Variants in VPS35L observed in about 807,000 individuals in gnomAD.
VPS35L encodes VPS35 endosomal protein sorting factor like.
Under a neutral mutation model 133.0 loss-of-function variants are expected in VPS35L, and 83 were observed. That is an observed-to-expected ratio of 0.62 (90% CI 0.52 to 0.75). VPS35L has a LOEUF of 0.75. Among genes scored for constraint, VPS35L ranks in the 30% least tolerant of loss-of-function variants. VPS35L has a pLI of 0.00. For missense variants in VPS35L, 1,083 were observed against 1,206.8 expected, an observed-to-expected ratio of 0.90 and a Z score of 1.52; for synonymous variants, 423 against 449.9, an observed-to-expected ratio of 0.94 and a Z score of 0.76.
chr16:19,589,008 T>A (rs1294432445), intron 7 of VPS35L, among the ~76,000 whole-genome samples: 1 of 152,228 alleles, frequency 6.6e-6, no homozygotes, highest in Non-Finnish European at 1.5e-5. Flanking sequence ...TAATTTGCAG[T>A]TCCTCGATTA....
chr16:19,654,327 T>C (rs1397552647), intron 26 of VPS35L, among the ~76,000 whole-genome samples: 1 of 152,122 alleles, frequency 6.6e-6, no homozygotes, highest in Non-Finnish European at 1.5e-5. Flanking sequence ...TTATTGTCTC[T>C]GATACCCCCT....
intron 14 of VPS35L, among the ~76,000 whole-genome samples, chr16:19,624,379 T>C (rs1313355584): frequency 6.6e-6 from 1 of 151,858 alleles, no homozygotes; most frequent in Non-Finnish European, 1.5e-5. Context: ...GGTCAGGAGT[T>C]CAAGGCCAGC....
chr16:19,596,925 G>T (rs1003777533), intron 8 of VPS35L, among the ~76,000 whole-genome samples: 9 of 151,946 alleles, frequency 5.9e-5, no homozygotes, highest in African/African-American at 1.9e-4. Context: ...AGGCTTAGGT[G>T]GGGGAATTGC....
At chr16:19,590,699 A>G (rs1464074625) in intron 7 of VPS35L, among the ~76,000 whole-genome samples, 1 of 152,186 alleles carries the variant, frequency 6.6e-6, no homozygotes, top group African/African-American at 2.4e-5. Context: ...CTGTATTTCC[A>G]GCACTTTGGG....
chr16:19,595,436 C>G (rs61423181), intron 8 of VPS35L, among the ~76,000 whole-genome samples: 1 of 152,078 alleles, frequency 6.6e-6, no homozygotes, highest in Non-Finnish European at 1.5e-5. Context: ...TTACCTTCGG[C>G]GAGTGTGAGG....
intron 2 of VPS35L, among the ~76,000 whole-genome samples, chr16:19,566,872 C>T (rs917893264): frequency 6.6e-6 from 1 of 152,126 alleles, no homozygotes; most frequent in African/African-American, 2.4e-5. Context: ...GCTTCAGCCT[C>T]CTGAGTAGCT....
At chr16:19,600,628 G>A (rs1972353539) in intron 8 of VPS35L, among the ~76,000 whole-genome samples, 1 of 152,188 alleles carries the variant, frequency 6.6e-6, no homozygotes, top group Non-Finnish European at 1.5e-5. Context: ...CTAGGAATAT[G>A]TCAGTGAACA....
chr16:19,614,035 T>TG (rs1409411276), intron 12 of VPS35L, among the ~76,000 whole-genome samples: 4 of 151,684 alleles, frequency 2.6e-5, no homozygotes, highest in Non-Finnish European at 5.9e-5. Flanking sequence ...GGGTAGAGCG[T>TG]GGGGGGAGCT....
chr16:19,594,804 G>A (rs188913745), intron 8 of VPS35L, among the ~76,000 whole-genome samples: 2 of 152,210 alleles, frequency 1.3e-5, no homozygotes, highest in South Asian at 2.1e-4. Flanking sequence ...GGGGTGAGGG[G>A]GTGAAGAGGA....
In VPS35L at chr16:19,682,243, G is replaced by A. The variant is rs1440124584; in HGVS notation, c.2380G>A (p.Val794Ile). Reference sequence around the variant, plus strand: ...CTGCTAGGATCATCCTGAACATGGGGTCCTGTTTCTTGTTCGAGAGCTTCT... The same window carrying A: ...CTGCTAGGATCATCCTGAACATGGGATCCTGTTTCTTGTTCGAGAGCTTCT... The part of the protein sequence containing the change: ...LIVPDHPEHG[V>I]LFLVRELLNV... The change falls in exon 28 of 31, where the codon GTC becomes ATC. Residue 794 changes from valine (V) to isoleucine (I), a missense_variant. Val to Ile is a conservative substitution (Grantham distance 29). Transcript: ENST00000417362. 1.2e-6 allele frequency: 2 copies of A among 1,613,934 alleles called. No homozygotes were observed. Among genetic ancestry groups the A allele is most frequent in the Non-Finnish European group, 1.7e-6 (2 of 1,179,968 alleles).
chr16:19,565,249 T>A (rs1489747583), intron 2 of VPS35L, among the ~76,000 whole-genome samples: 1 of 151,250 alleles, frequency 6.6e-6, no homozygotes, highest in Non-Finnish European at 1.5e-5. Flanking sequence ...AGAGATGGGG[T>A]TTCGCCATGT....
At chr16:19,563,513 A>G (rs924699229) in intron 1 of VPS35L, among the ~76,000 whole-genome samples, 1 of 151,880 alleles carries the variant, frequency 6.6e-6, no homozygotes, top group Non-Finnish European at 1.5e-5. Flanking sequence ...GTTCTTGCAC[A>G]TTCTCTCTCT....
chr16:19,645,963 T>C lies in VPS35L; in HGVS notation c.1929+1014T>C, dbSNP rs553766972. ...TGGCTTTAAATAACAGGGCTTTTTTTTGCTGTTTTTTTTGGGGGGGTCGAG... is the reference window on the plus strand; with the variant it reads ...TGGCTTTAAATAACAGGGCTTTTTTCTGCTGTTTTTTTTGGGGGGGTCGAG... On this transcript the variant is annotated intron_variant, in intron 23 of 30. Transcript: ENST00000417362. 2.0e-5 allele frequency among the ~76,000 whole-genome samples: 3 copies of C among 151,768 alleles called. No individual in the cohort carries two copies. The East Asian group carries it at 5.8e-4, about 29-fold the overall frequency.
intron 1 of VPS35L, among the ~76,000 whole-genome samples, chr16:19,556,894 GC>G (rs1970875484): frequency 6.6e-6 from 1 of 151,926 alleles, no homozygotes; most frequent in Non-Finnish European, 1.5e-5. Flanking sequence ...GGAGGCCGAG[GC>G]TGGCGGATCA....
intron 12 of VPS35L, among the ~76,000 whole-genome samples, chr16:19,611,970 C>T (rs1394074329): frequency 6.7e-6 from 1 of 150,360 alleles, no homozygotes; most frequent in Non-Finnish European, 1.5e-5. Flanking sequence ...GATGGAGTCT[C>T]ACTCTGTCGC....
chr16:19,675,253 T>C, intron 27 of VPS35L, among the ~76,000 whole-genome samples: 1 of 91,720 alleles, frequency 1.1e-5, no homozygotes, highest in African/African-American at 3.2e-5. Flanking sequence ...ACCCAGTCTT[T>C]TTTTTTTTTT....
intron 28 of VPS35L, 60 bp downstream of exon 28, chr16:19,682,450 A>T: frequency 1.3e-6 from 2 of 1,532,548 alleles, no homozygotes; most frequent in South Asian, 2.3e-5. Context: ...GGCAGACAGA[A>T]TGCTTTCATT....
At chr16:19,576,851 T>C (rs1971555880) in intron 5 of VPS35L, among the ~76,000 whole-genome samples, 1 of 151,944 alleles carries the variant, frequency 6.6e-6, no homozygotes, top group African/African-American at 2.4e-5. Flanking sequence ...GGACTATAGG[T>C]GTGCACCACC....
intron 19 of VPS35L, among the ~76,000 whole-genome samples, chr16:19,636,222 A>G (rs375452798): frequency 7.9e-5 from 12 of 152,280 alleles, no homozygotes; most frequent in Admixed American, 6.5e-5. Context: ...TAATAAAACA[A>G]TGATAGAATT....
Sources: allele counts gnomAD v4.1 joint callset (sites outside exome capture counted in the v4.1 genomes callset), GRCh38; gene constraint gnomAD v4.1.1; transcripts MANE v1.5; gene names NCBI Gene and HGNC (gene_info 2026-07-23, HGNC 2026-07-21).